The following ANO3 variants were observed in gnomAD, a reference collection of about 807,000 sequenced individuals.
ANO3 encodes anoctamin 3, also known as anoctamin-3.
ANO3 carries 99 observed loss-of-function variants against 144.8 expected under a neutral mutation model. The observed-to-expected ratio is 0.68, with a 90% CI of 0.58 to 0.81. The LOEUF (loss-of-function observed/expected upper bound fraction) is 0.81. ANO3 is among the 30% of genes least tolerant of loss of function. The pLI is 0.00. For synonymous variants in ANO3, 414 were observed against 392.6 expected (o/e 1.05, Z -0.64); for missense variants, 905 against 1,202.2 (o/e 0.75, Z 3.66).
At position 26,270,484 on chromosome 11, in the gene ANO3, C is replaced by T. The variant is rs541956657; in HGVS notation, c.155-39161C>T. Among the ~76,000 whole-genome samples the T allele has an allele frequency of 3.9e-3, 587 of 152,264 alleles. 1 individual carries two copies. Among genetic ancestry groups the T allele is most frequent in the African/African-American group, 0.013 (554 of 41,550 alleles). ...TGCTTGTGTACATACTTTTATTCTA[C>T]GATCAAAATCTCTCTCTTTTTACAT... is the stretch of plus-strand genomic sequence containing the variant. On this transcript the variant is annotated intron_variant, in intron 1 of 27. Coordinates refer to the ANO3 transcript ENST00000672621.
intron 11 of ANO3, among the ~76,000 whole-genome samples, chr11:26,542,786 T>G (rs1431019342): frequency 6.6e-6 from 1 of 152,062 alleles, no homozygotes; most frequent in African/African-American, 2.4e-5. Flanking sequence ...TTTTTTATTT[T>G]TAGAGATCAT....
At chr11:26,315,114 A>G (rs1003928306) in intron 1 of ANO3, among the ~76,000 whole-genome samples, 1 of 150,816 alleles carries the variant, frequency 6.6e-6, no homozygotes, top group African/African-American at 2.4e-5. Context: ...AAAAAAAAAC[A>G]GCTGTAGATG....
chr11:26,426,491 G>GAA (rs147479494), intron 1 of ANO3, among the ~76,000 whole-genome samples: 1 of 149,182 alleles, frequency 6.7e-6, no homozygotes, highest in African/African-American at 2.5e-5. Context: ...CTCAAGATTT[G>GAA]AAAAAAAAAG....
rs1565006924 is a variant in ANO3 at position 26,407,050 on chromosome 11, GTGTGT to G, written c.47-34867_47-34863del. Among the ~76,000 whole-genome samples the G allele has an allele frequency of 3.1e-4, 23 of 74,162 alleles. 1 individual carries two copies. Among genetic ancestry groups the G allele is most frequent in the African/African-American group, 1.0e-3 (23 of 22,178 alleles). The allele number at this position is 74,162 out of a possible 152,430, so 48.7% of individuals were successfully genotyped here. On this transcript the variant is annotated intron_variant, in intron 1 of 26. Transcript: ENST00000256737. ...GGTGTGTGTGTATATATATATGGGT[GTGTGT>G]GTGTGTGTGTGTGTGTGTGTGTATA...
intron 1 of ANO3, among the ~76,000 whole-genome samples, chr11:26,259,469 G>A (rs1035796056): frequency 6.6e-6 from 1 of 151,288 alleles, no homozygotes; most frequent in African/African-American, 2.4e-5. Context: ...CCAACAGGGT[G>A]AAACCCCATC....
chr11:26,594,591 G>A (rs1268253485), intron 14 of ANO3, among the ~76,000 whole-genome samples: 1 of 152,052 alleles, frequency 6.6e-6, no homozygotes, highest in Non-Finnish European at 1.5e-5. Flanking sequence ...ACTTGGAGGG[G>A]GCGTAATCGG....
intron 14 of ANO3, chr11:26,565,918 T>C (rs1279738721): frequency 6.5e-7 from 1 of 1,541,088 alleles, no homozygotes; most frequent in African/African-American, 1.4e-5. Flanking sequence ...TAACCATAAT[T>C]TGAATTCCTT....
chr11:26,442,682 C>T (rs1354358335), intron 2 of ANO3, among the ~76,000 whole-genome samples: 1 of 152,198 alleles, frequency 6.6e-6, no homozygotes, highest in Non-Finnish European at 1.5e-5. Context: ...AAGACACACA[C>T]TATCCCTTTA....
intron 1 of ANO3, among the ~76,000 whole-genome samples, chr11:26,347,050 T>C (rs1855514359): frequency 6.6e-6 from 1 of 152,218 alleles, no homozygotes; most frequent in South Asian, 2.1e-4. Flanking sequence ...TTAATAAAAT[T>C]TCAGAGTATC....
chr11:26,287,321 T>A (rs372691878), intron 1 of ANO3: 3 of 152,354 alleles, frequency 2.0e-5, no homozygotes, highest in African/African-American at 7.2e-5. Flanking sequence ...ATGTATTGAA[T>A]GCTTACCATG....
chr11:26,245,385 C>A (rs1852767639), intron 1 of ANO3, among the ~76,000 whole-genome samples: 1 of 152,152 alleles, frequency 6.6e-6, no homozygotes. Context: ...ACTTCAGTAT[C>A]CTTTGATGAT....
chr11:26,225,390 A>G (rs1852237072), intron 1 of ANO3, among the ~76,000 whole-genome samples: 1 of 152,134 alleles, frequency 6.6e-6, no homozygotes, highest in African/African-American at 2.4e-5. Flanking sequence ...TAGAAAGCTG[A>G]CAATTTGCAC....
intron 3 of ANO3, among the ~76,000 whole-genome samples, chr11:26,444,186 G>T (rs111634658): frequency 7.2e-5 from 11 of 152,092 alleles, no homozygotes; most frequent in African/African-American, 2.7e-4. Flanking sequence ...TTCTATCCTG[G>T]CCCATCATTA....
At chr11:26,633,842 G>A (rs927527756) in intron 18 of ANO3, among the ~76,000 whole-genome samples, 10 of 152,054 alleles carry the variant, frequency 6.6e-5, no homozygotes, top group African/African-American at 1.4e-4. Context: ...TTGGGAGGCC[G>A]AGGCCAGCAG....
chr11:26,548,565 T>A (rs1849848562), intron 12 of ANO3, among the ~76,000 whole-genome samples: 1 of 151,560 alleles, frequency 6.6e-6, no homozygotes, highest in South Asian at 2.1e-4. Flanking sequence ...CTGAATTTTC[T>A]TTAACAAATA....
rs1159713573 is a variant in ANO3, at chr11:26,450,266, A to G, written c.313+6430A>G. 2.6e-5 allele frequency among the ~76,000 whole-genome samples: 4 copies of G among 152,274 alleles called. No individual in the cohort carries two copies. The East Asian group carries it at 7.7e-4, about 29-fold the overall frequency. ...GTGAGGATTGGAAGAGTGCAGGGAA[A>G]GATGGTGAGTAGAAAACACTAGCAC... On this transcript the variant is annotated intron_variant, in intron 3 of 26. Coordinates refer to ENST00000256737, the MANE Select transcript of ANO3 (RefSeq NM_031418.4).
At chr11:26,471,676 C>T (rs1183767851) in intron 4 of ANO3, among the ~76,000 whole-genome samples, 7 of 151,774 alleles carry the variant, frequency 4.6e-5, no homozygotes, top group Non-Finnish European at 1.0e-4. Context: ...GCTAGGAAGT[C>T]ATGACATGAG....
At chr11:26,331,127 T>C (rs574801154), upstream of ANO3, among the ~76,000 whole-genome samples, 46 of 152,142 alleles carry the variant, frequency 3.0e-4, no homozygotes, top group African/African-American at 1.1e-3. Flanking sequence ...AAGTGGGAGC[T>C]GAATGATGAG....
chr11:26,310,925 A>G lies in ANO3; in HGVS notation c.-3+1206A>G, dbSNP rs138861296. ...GATGCCTAGAAGCAACTGGTAAACCAGATTTTCTCTGGCATAAACTTTGCT... is the reference window on the plus strand; with the variant it reads ...GATGCCTAGAAGCAACTGGTAAACCGGATTTTCTCTGGCATAAACTTTGCT... On this transcript the variant is annotated intron_variant, in intron 1 of 26. Coordinates refer to the ANO3 transcript ENST00000525139. Among the ~76,000 whole-genome samples, 36 of 152,304 alleles carry G rather than the reference A, an allele frequency of 2.4e-4. 1 individual carries two copies. In the East Asian group the frequency reaches 4.6e-3, roughly 20 times the overall value.
Sources: gnomAD v4.1 joint callset for allele counts (sites outside exome capture counted in the v4.1 genomes callset) on GRCh38, gnomAD v4.1.1 for gene constraint, MANE v1.5 for transcripts, NCBI Gene and HGNC (gene_info 2026-07-23, HGNC 2026-07-21) for gene names.